The following UBE3A variants were observed in gnomAD, a reference collection of about 807,000 sequenced individuals.
The protein encoded by UBE3A is ubiquitin-protein ligase E3A.
UBE3A carries 6 observed loss-of-function variants against 83.4 expected under a neutral mutation model. That is an observed-to-expected ratio of 0.07 (90% confidence interval 0.04 to 0.14). UBE3A has a LOEUF of 0.14. Among genes scored for constraint, UBE3A ranks in the 10% least tolerant of loss-of-function variants. The probability of loss-of-function intolerance (pLI) is 1.00; values close to 1 mark genes in which losing one functional copy is unlikely to be tolerated. For missense variants in UBE3A, 456 were observed against 1,036.1 expected (o/e 0.44, Z 7.69); for synonymous variants, 337 against 355.4 (o/e 0.95, Z 0.58).
intron 4 of UBE3A, among the ~76,000 whole-genome samples, chr15:25,386,672 CAAGGAT>C (rs1173575525): frequency 1.3e-5 from 2 of 149,784 alleles, no homozygotes; most frequent in South Asian, 4.2e-4. Flanking sequence ...TACAGAAATT[CAAGGAT>C]AAGAAAAAAA....
At chr15:25,342,223 G>A (rs970877995) in intron 11 of UBE3A, among the ~76,000 whole-genome samples, 1 of 152,062 alleles carries the variant, frequency 6.6e-6, no homozygotes, top group African/African-American at 2.4e-5. Context: ...CCTGCAGTGG[G>A]TGGTAATAAA....
At chr15:25,433,908 T>C (rs962325274) in intron 1 of UBE3A, among the ~76,000 whole-genome samples, 4 of 151,534 alleles carry the variant, frequency 2.6e-5, no homozygotes, top group African/African-American at 4.9e-5. Flanking sequence ...CACAAAAAAA[T>C]TAAAAAATAA....
chr15:25,357,090 G>A (rs1273096625), intron 7 of UBE3A, among the ~76,000 whole-genome samples, 194 bp from the exon 8 acceptor site: 2 of 152,144 alleles, frequency 1.3e-5, no homozygotes, highest in African/African-American at 2.4e-5. Flanking sequence ...AAATTGGGGT[G>A]AATGGTGATA....
At chr15:25,377,292 A>G (rs774309932) in intron 4 of UBE3A, among the ~76,000 whole-genome samples, 35 of 152,154 alleles carry the variant, frequency 2.3e-4, no homozygotes, top group Non-Finnish European at 4.3e-4. Flanking sequence ...CACACATTCA[A>G]TTCATTCTGG....
chr15:25,410,669 C>T (rs1285201610), intron 2 of UBE3A, among the ~76,000 whole-genome samples: 1 of 152,136 alleles, frequency 6.6e-6, no homozygotes. Context: ...CAGCTATGAA[C>T]GCAGGGCTTC....
At chr15:25,363,485 C>T (rs2078469464) in intron 6 of UBE3A, among the ~76,000 whole-genome samples, 1 of 152,124 alleles carries the variant, frequency 6.6e-6, no homozygotes, top group South Asian at 2.1e-4. Flanking sequence ...TTAATCTTCA[C>T]AACACCCTTA....
At chr15:25,410,390 T>C (rs999720481) in intron 2 of UBE3A, among the ~76,000 whole-genome samples, 2 of 152,174 alleles carry the variant, frequency 1.3e-5, no homozygotes, top group Admixed American at 1.3e-4. Context: ...AAAGATACCA[T>C]ACATCTGAAA....
chr15:25,350,703 A>G (rs2076372323), intron 11 of UBE3A, among the ~76,000 whole-genome samples: 1 of 151,568 alleles, frequency 6.6e-6, no homozygotes, highest in African/African-American at 2.4e-5. Context: ...CCAACAGGTA[A>G]AAAAAAAACA....
At chr15:25,352,461 C>T (rs757704750) in intron 11 of UBE3A, among the ~76,000 whole-genome samples, 18 of 152,078 alleles carry the variant, frequency 1.2e-4, no homozygotes, top group South Asian at 2.1e-4. Flanking sequence ...ATAAAAGTTA[C>T]GTTTACATTA....
chr15:25,397,428 G>T (rs889629200), intron 4 of UBE3A, among the ~76,000 whole-genome samples: 3 of 152,016 alleles, frequency 2.0e-5, no homozygotes, highest in Non-Finnish European at 4.4e-5. Flanking sequence ...TTCTAAACTT[G>T]ACTCATCCTC....
intron 11 of UBE3A, among the ~76,000 whole-genome samples, chr15:25,352,984 C>A (rs2076724775): frequency 6.6e-6 from 1 of 152,126 alleles, no homozygotes; most frequent in Non-Finnish European, 1.5e-5. Context: ...AAGATAATTT[C>A]TCTATAAAGA....
At chr15:25,351,494 G>T (rs768232654) in intron 11 of UBE3A, among the ~76,000 whole-genome samples, 1 of 152,108 alleles carries the variant, frequency 6.6e-6, no homozygotes, top group Non-Finnish European at 1.5e-5. Context: ...TTTTGAGATG[G>T]AATCTCACTC....
At chr15:25,339,948 C>T (rs2074455182) in intron 12 of UBE3A, 137 bp downstream of exon 12, 1 of 1,205,140 alleles carries the variant, frequency 8.3e-7, no homozygotes, top group Non-Finnish European at 1.2e-6. Context: ...AGTATTTTCT[C>T]AATTGTCTAA....
chr15:25,366,497 A>G (rs551730011), intron 6 of UBE3A, among the ~76,000 whole-genome samples: 2 of 152,272 alleles, frequency 1.3e-5, no homozygotes, highest in South Asian at 4.2e-4. Flanking sequence ...GGGGCTTTTT[A>G]TCTGTGCCAA....
At chr15:25,399,585 A>G (rs1003981587) in intron 4 of UBE3A, among the ~76,000 whole-genome samples, 1 of 151,970 alleles carries the variant, frequency 6.6e-6, no homozygotes, top group African/African-American at 2.4e-5. Context: ...TTTTGTTTTT[A>G]AAAGACAGGG....
At chr15:25,361,317 G>T (rs550504861) in intron 6 of UBE3A, among the ~76,000 whole-genome samples, 1 of 151,974 alleles carries the variant, frequency 6.6e-6, no homozygotes, top group East Asian at 1.9e-4. Context: ...GTAGAGATGG[G>T]GTTTCACTAC....
intron 4 of UBE3A, among the ~76,000 whole-genome samples, chr15:25,382,338 GA>G (rs1177039341): frequency 6.6e-6 from 1 of 150,392 alleles, no homozygotes; most frequent in Non-Finnish European, 1.5e-5. Context: ...AAAAAGAAAA[GA>G]AAAGAACTGT....
At position 25,337,558 on chromosome 15, in the gene UBE3A, AAATT is replaced by A. The variant is rs577319182; in HGVS notation, c.*1575_*1578del. The A allele has an allele frequency of 1.3e-5, 2 of 152,144 alleles. No individual in the cohort carries two copies. Among genetic ancestry groups the A allele is most frequent in the East Asian group, 1.9e-4 (1 of 5,188 alleles). The allele number at this position is 152,144 out of a possible 1,614,324, so 9.4% of individuals were successfully genotyped here. A position where few individuals can be genotyped will look rare whatever the true frequency, so the allele number is the denominator to read the frequency against. On this transcript the variant is annotated 3_prime_UTR_variant, in exon 13 of 13. Coordinates refer to ENST00000648336, the MANE Select transcript of UBE3A (RefSeq NM_130839.5). ...AACAGTTCTGTCTCAATTATGAAAA[AAATT>A]AATTAAAATAATCCTGAAAGACATC...
At chr15:25,385,178 G>A (rs187102201) in intron 4 of UBE3A, among the ~76,000 whole-genome samples, 19 of 152,152 alleles carry the variant, frequency 1.2e-4, no homozygotes, top group African/African-American at 4.6e-4. Flanking sequence ...TACAAAACAG[G>A]AGAAAATATT....
Sources: allele counts gnomAD v4.1 joint callset (sites outside exome capture counted in the v4.1 genomes callset), GRCh38; gene constraint gnomAD v4.1.1; transcripts MANE v1.5; gene names NCBI Gene and HGNC (gene_info 2026-07-23, HGNC 2026-07-21).